NRG4: variants seen among roughly 807,000 people sequenced by gnomAD.
The protein encoded by NRG4 is neuregulin 4.
Under a neutral mutation model 15.0 loss-of-function variants are expected in NRG4, and 10 were observed. That is an observed-to-expected ratio of 0.67 (90% CI 0.41 to 1.13). The LOEUF is 1.13. Among genes scored for constraint, NRG4 ranks in the 50% most tolerant of loss-of-function variants. NRG4 has a pLI of 0.00. For missense variants in NRG4, 139 were observed against 140.2 expected (o/e 0.99, Z 0.04); for synonymous variants, 41 against 50.1 (o/e 0.82, Z 0.77).
chr15:75,947,925 T>G (rs1043599142), intron 5 of NRG4, among the ~76,000 whole-genome samples: 4 of 152,228 alleles, frequency 2.6e-5, no homozygotes, highest in Non-Finnish European at 4.4e-5. Context: ...AGTATCTTTT[T>G]TCATGTGCTT....
At chr15:75,967,363 A>T (rs973257567) in intron 3 of NRG4, among the ~76,000 whole-genome samples, 1 of 151,858 alleles carries the variant, frequency 6.6e-6, no homozygotes, top group Non-Finnish European at 1.5e-5. Context: ...TTAACGTCAC[A>T]TTTATATGAC....
At chr15:76,009,165 A>C (rs2034714223) in intron 3 of NRG4, 35 bp downstream of exon 3, 1 of 989,062 alleles carries the variant, frequency 1.0e-6, no homozygotes, top group Non-Finnish European at 1.6e-6. Flanking sequence ...AATAAAAAAT[A>C]AAGTTAACAT....
chr15:76,037,073 A>T (rs1057430192), intron 4 of NRG4, among the ~76,000 whole-genome samples: 2 of 152,226 alleles, frequency 1.3e-5, no homozygotes, highest in Admixed American at 1.3e-4. Context: ...AAAAATCAAT[A>T]GTATTTCTAT....
intron 5 of NRG4, chr15:75,951,163 C>CTTTTTTTTTTTTTTTTTTTTTTTTT (rs5813813): frequency 3.3e-5 from 3 of 90,550 alleles, no homozygotes; most frequent in Admixed American, 1.7e-4. Context: ...TTTCTTTTTT[C>CTTTTTTTTTTTTTTTTTTTTTTTTT]TTTTTTTTTT....
At chr15:75,992,368 G>C (rs2034048813) in intron 3 of NRG4, among the ~76,000 whole-genome samples, 1 of 151,986 alleles carries the variant, frequency 6.6e-6, no homozygotes, top group Admixed American at 6.6e-5. Context: ...CCTCAGCTTG[G>C]AGACCTTCCT....
At chr15:76,051,227 G>A (rs2036004662) in intron 4 of NRG4, among the ~76,000 whole-genome samples, 1 of 149,144 alleles carries the variant, frequency 6.7e-6, no homozygotes, top group African/African-American at 2.5e-5. Context: ...GGATGGTCTC[G>A]ATCTCCTGAC....
chr15:75,943,068 TGA>T lies in NRG4; in HGVS notation c.*568_*569del, dbSNP rs747196239. ...AATTTTGGGTTTTTGTTTCTTCCTT[TGA>T]GAGACAGATCCTTGAAATCAGTCAC... is the stretch of plus-strand genomic sequence containing the variant. On this transcript the variant is annotated 3_prime_UTR_variant, in exon 6 of 6. Coordinates refer to ENST00000394907, the MANE Select transcript of NRG4 (RefSeq NM_138573.4). 6.6e-6 allele frequency: 1 copy of T among 152,366 alleles called. No individual in the cohort carries two copies. The highest frequency in any genetic ancestry group is 2.4e-5 in the African/African-American group (1 of 41,580). The allele number at this position is 152,366 out of a possible 1,614,324, so 9.4% of individuals were successfully genotyped here.
intron 3 of NRG4, among the ~76,000 whole-genome samples, chr15:76,052,374 T>C (rs1013909276): frequency 2.0e-5 from 3 of 151,292 alleles, no homozygotes; most frequent in Admixed American, 6.6e-5. Context: ...CACAACTTTT[T>C]AAGTCCCAGA....
chr15:76,015,035 A>C (rs2034933422), upstream of NRG4, among the ~76,000 whole-genome samples: 7 of 152,138 alleles, frequency 4.6e-5, no homozygotes, highest in Admixed American at 4.6e-4. Flanking sequence ...AGTGGTTTGT[A>C]GTTCTCCTTG....
intron 5 of NRG4, among the ~76,000 whole-genome samples, chr15:76,019,381 A>C (rs1039187573): frequency 1.3e-5 from 2 of 152,038 alleles, no homozygotes; most frequent in Non-Finnish European, 2.9e-5. Flanking sequence ...TTGGGGTATG[A>C]AAAAAAGCTC....
intron 5 of NRG4, among the ~76,000 whole-genome samples, chr15:76,023,084 G>A (rs1160086064): frequency 3.3e-5 from 5 of 149,696 alleles, no homozygotes; most frequent in African/African-American, 9.8e-5. Context: ...CCACAATGAG[G>A]TGATGTCAGC....
chr15:75,957,153 T>G (rs1595953139), intron 4 of NRG4, among the ~76,000 whole-genome samples: 2 of 152,352 alleles, frequency 1.3e-5, no homozygotes, highest in South Asian at 2.1e-4. Flanking sequence ...AAAAAATACA[T>G]AGGACAATAC....
chr15:75,941,216 CA>C lies in NRG4; in HGVS notation c.*2421del, dbSNP rs1488608821. On this transcript the variant is annotated 3_prime_UTR_variant, in exon 6 of 6. Transcript: ENST00000394907. ...CACTAAACAGTAAGGAAATGCAAATCAAAACCACATTGAGATACCACTTCAT... is the reference window on the plus strand; with the variant it reads ...CACTAAACAGTAAGGAAATGCAAATCAAACCACATTGAGATACCACTTCAT... 1 of 152,084 alleles carries C rather than the reference CA, an allele frequency of 6.6e-6. No homozygotes were observed. The highest frequency in any genetic ancestry group is 2.4e-5 in the African/African-American group (1 of 41,410). The allele number at this position is 152,084 out of a possible 1,614,324, so 9.4% of individuals were successfully genotyped here.
chr15:75,992,450 A>G (rs1351224357), intron 3 of NRG4, among the ~76,000 whole-genome samples: 1 of 152,016 alleles, frequency 6.6e-6, no homozygotes, highest in East Asian at 1.9e-4. Context: ...AAATGTCTTT[A>G]TATTGCCTTC....
chr15:76,024,169 C>G (rs1394194086), intron 5 of NRG4, among the ~76,000 whole-genome samples: 1 of 152,236 alleles, frequency 6.6e-6, no homozygotes, highest in Admixed American at 6.5e-5. Flanking sequence ...GCCTAAGAAA[C>G]AGCCCTGCAG....
At chr15:76,056,641 A>G (rs980985511) in intron 2 of NRG4, among the ~76,000 whole-genome samples, 9 of 152,196 alleles carry the variant, frequency 5.9e-5, no homozygotes, top group Non-Finnish European at 1.3e-4. Flanking sequence ...AGGTTATATT[A>G]TAACATTTAG....
intron 5 of NRG4, among the ~76,000 whole-genome samples, chr15:76,017,438 T>G (rs916728677): frequency 7.2e-5 from 11 of 152,234 alleles, no homozygotes; most frequent in African/African-American, 2.4e-4. Context: ...ATAGTGTCGA[T>G]GGTCTTTACA....
chr15:76,034,374 G>C (rs1218355581), intron 5 of NRG4, among the ~76,000 whole-genome samples: 2 of 152,208 alleles, frequency 1.3e-5, no homozygotes, highest in African/African-American at 2.4e-5. Context: ...AGGCAGTAAA[G>C]TAAATTCCCT....
intron 3 of NRG4, among the ~76,000 whole-genome samples, chr15:75,964,400 T>A (rs992039610): frequency 6.6e-6 from 1 of 152,210 alleles, no homozygotes; most frequent in Non-Finnish European, 1.5e-5. Context: ...TAAAGGTTTT[T>A]TAAGGAAAAA....
Sources: allele counts gnomAD v4.1 joint callset (sites outside exome capture counted in the v4.1 genomes callset), GRCh38; gene constraint gnomAD v4.1.1; transcripts MANE v1.5; gene names NCBI Gene and HGNC (gene_info 2026-07-23, HGNC 2026-07-21).